SLC44A5: variants seen among roughly 807,000 people sequenced by gnomAD.
SLC44A5 encodes the protein solute carrier family 44 member 5, also known as choline transporter-like protein 5.
A neutral mutation model predicts 101.8 loss-of-function variants in SLC44A5; 57 were observed. The observed-to-expected ratio is 0.56, with a 90% CI of 0.45 to 0.70. SLC44A5 has a LOEUF of 0.70. SLC44A5 is among the 30% of genes least tolerant of loss of function. The probability of loss-of-function intolerance (pLI) is 0.00; values close to 1 mark genes in which losing one functional copy is unlikely to be tolerated. For missense variants in SLC44A5, 737 were observed against 853.1 expected (o/e 0.86, Z 1.70); for synonymous variants, 281 against 290.9 (o/e 0.97, Z 0.35).
chr1:75,613,226 A>G (rs1170642045), upstream of SLC44A5, among the ~76,000 whole-genome samples: 2 of 152,214 alleles, frequency 1.3e-5, no homozygotes, highest in Non-Finnish European at 2.9e-5. Context: ...AGCATGGAAT[A>G]TTGCTAAATC....
chr1:75,714,816 G>A, the SLC44A5 span, among the ~76,000 whole-genome samples: 1 of 152,162 alleles, frequency 6.6e-6, no homozygotes, highest in Non-Finnish European at 1.5e-5. Context: ...TGGGATTACA[G>A]GCATGTGCCA....
Position 75,346,522 on chromosome 1 carries a change from T to C in SLC44A5, c.53-6892A>G, listed in dbSNP as rs535469853. 1.0e-3 allele frequency among the ~76,000 whole-genome samples: 152 copies of C among 152,256 alleles called. 1 individual carries two copies. Among genetic ancestry groups the C allele is most frequent in the African/African-American group, 3.5e-3 (147 of 41,570 alleles). On this transcript the variant is annotated intron_variant, in intron 3 of 23. Coordinates refer to ENST00000370859, the MANE Select transcript of SLC44A5 (RefSeq NM_001130058.2). Reference sequence around the variant, plus strand: ...ATGGACGTTTAGGGGGCATTTGAAATGCACTTTTGAAAAACTGATTTTTCT... The same window carrying C: ...ATGGACGTTTAGGGGGCATTTGAAACGCACTTTTGAAAAACTGATTTTTCT...
chr1:75,330,280 T>C (rs1035749544), intron 4 of SLC44A5, among the ~76,000 whole-genome samples: 2 of 151,592 alleles, frequency 1.3e-5, no homozygotes, highest in African/African-American at 4.8e-5. Context: ...CTCTGCCCTC[T>C]CCAACACTCA....
At chr1:75,306,650 C>G (rs1218601926) in intron 4 of SLC44A5, among the ~76,000 whole-genome samples, 1 of 151,332 alleles carries the variant, frequency 6.6e-6, no homozygotes, top group Non-Finnish European at 1.5e-5. Context: ...AGCTCTTATT[C>G]TCCAACAACT....
At chr1:75,209,841 C>G (rs1646818712) in intron 23 of SLC44A5, among the ~76,000 whole-genome samples, 1 of 152,056 alleles carries the variant, frequency 6.6e-6, no homozygotes, top group Admixed American at 6.6e-5. Context: ...AGTAAATGTT[C>G]TCTGTTTCTC....
intron 13 of SLC44A5, among the ~76,000 whole-genome samples, chr1:75,223,027 T>A (rs1233024804): frequency 6.6e-6 from 1 of 152,224 alleles, no homozygotes. Flanking sequence ...CCTAGTTTAG[T>A]CAACTTGATT....
At chr1:75,655,197 A>G in the SLC44A5 span, among the ~76,000 whole-genome samples, 2 of 152,188 alleles carry the variant, frequency 1.3e-5, no homozygotes, top group Non-Finnish European at 2.9e-5. Flanking sequence ...TTCAGGTACT[A>G]TGCTTATTAC....
At chr1:75,690,953 C>A in the SLC44A5 span, among the ~76,000 whole-genome samples, 5 of 151,714 alleles carry the variant, frequency 3.3e-5, no homozygotes, top group Admixed American at 6.6e-5. Flanking sequence ...CATGGTGAAA[C>A]CTTGTCTCTA....
the SLC44A5 span, among the ~76,000 whole-genome samples, chr1:75,676,821 T>C: frequency 7.9e-5 from 12 of 152,124 alleles, no homozygotes; most frequent in African/African-American, 2.9e-4. Flanking sequence ...TCAAGACATT[T>C]AATAATCAAA....
intron 4 of SLC44A5, among the ~76,000 whole-genome samples, chr1:75,333,363 G>A (rs909870957): frequency 5.3e-5 from 8 of 151,858 alleles, no homozygotes; most frequent in Admixed American, 1.3e-4. Flanking sequence ...ATTTATTAGC[G>A]TGACTCTTTT....
intron 2 of SLC44A5, among the ~76,000 whole-genome samples, chr1:75,536,868 T>A (rs554590312): frequency 7.2e-6 from 1 of 139,174 alleles, no homozygotes; most frequent in African/African-American, 2.6e-5. Flanking sequence ...TAGCCGGGCG[T>A]AGTGGCGGGC....
intron 2 of SLC44A5, among the ~76,000 whole-genome samples, chr1:75,399,100 G>A (rs956840179): frequency 6.6e-6 from 1 of 151,984 alleles, no homozygotes; most frequent in Admixed American, 6.6e-5. Context: ...GGAGATGGAG[G>A]TGGAGGAGGG....
At chr1:75,221,883 T>G (rs1647088946) in intron 14 of SLC44A5, among the ~76,000 whole-genome samples, 1 of 152,162 alleles carries the variant, frequency 6.6e-6, no homozygotes, top group Non-Finnish European at 1.5e-5. Flanking sequence ...GTGGTGATCT[T>G]TCTAATAAGT....
chr1:75,640,816 A>G, the SLC44A5 span, among the ~76,000 whole-genome samples: 1 of 152,110 alleles, frequency 6.6e-6, no homozygotes, highest in Non-Finnish European at 1.5e-5. Context: ...TAAAATGGGA[A>G]TAATTGCTTC....
At chr1:75,339,221 A>G (rs1570716152) in intron 4 of SLC44A5, among the ~76,000 whole-genome samples, 1 of 151,820 alleles carries the variant, frequency 6.6e-6, no homozygotes, top group African/African-American at 2.4e-5. Flanking sequence ...CTGCATTTGC[A>G]ATGGTGAGTC....
Position 75,599,862 on chromosome 1 carries a change from G to C in SLC44A5, c.-70+11178C>G, listed in dbSNP as rs79116985. On this transcript the variant is annotated intron_variant, in intron 1 of 23. Coordinates refer to ENST00000370859, the MANE Select transcript of SLC44A5 (RefSeq NM_001130058.2). ...AAATGAACCTGGAAGGGTAATCATA[G>C]GTCAGATTCTAGACTTGGATGGTTT... is the stretch of plus-strand genomic sequence containing the variant. Among the ~76,000 whole-genome samples the C allele has an allele frequency of 4.5e-4, 68 of 152,186 alleles. No individual in the cohort carries two copies. The East Asian group carries it at 0.012, about 26-fold the overall frequency.
chr1:75,605,939 T>C (rs1227189427), intron 1 of SLC44A5, among the ~76,000 whole-genome samples: 1 of 151,984 alleles, frequency 6.6e-6, no homozygotes, highest in Non-Finnish European at 1.5e-5. Flanking sequence ...CACTAGGTAA[T>C]CTTTTGTTGT....
At chr1:75,385,045 C>G (rs1661205551) in intron 3 of SLC44A5, among the ~76,000 whole-genome samples, 1 of 152,030 alleles carries the variant, frequency 6.6e-6, no homozygotes, top group East Asian at 1.9e-4. Flanking sequence ...ATCTCTGGGA[C>G]ACATTCAAAG....
chr1:75,272,342 T>G (rs1233358837), intron 6 of SLC44A5, among the ~76,000 whole-genome samples: 3 of 151,490 alleles, frequency 2.0e-5, no homozygotes, highest in Non-Finnish European at 2.9e-5. Flanking sequence ...TTTTTTTTTT[T>G]TAGACTTGTA....
Sources: allele counts gnomAD v4.1 joint callset (sites outside exome capture counted in the v4.1 genomes callset), GRCh38; gene constraint gnomAD v4.1.1; transcripts MANE v1.5; gene names NCBI Gene and HGNC (gene_info 2026-07-23, HGNC 2026-07-21).